The following NRXN1 variants were observed in gnomAD, a reference collection of about 807,000 sequenced individuals.
NRXN1 encodes neurexin 1.
A neutral mutation model predicts 150.9 loss-of-function variants in NRXN1; 39 were observed. That is an observed-to-expected ratio of 0.26 (90% CI 0.20 to 0.34). The LOEUF is 0.34. NRXN1 is among the 10% of genes least tolerant of loss of function. The probability of loss-of-function intolerance (pLI) is 1.00; values close to 1 mark genes in which losing one functional copy is unlikely to be tolerated. For missense variants in NRXN1, 1,815 were observed against 1,949.9 expected (o/e 0.93, Z 1.30); for synonymous variants, 924 against 757.0 (o/e 1.22, Z -3.62).
At chr2:50,545,422 G>A (rs1259497352) in intron 9 of NRXN1, among the ~76,000 whole-genome samples, 1 of 152,066 alleles carries the variant, frequency 6.6e-6, no homozygotes, top group South Asian at 2.1e-4. Flanking sequence ...CACTAGGTCC[G>A]CGTGTGGTCA....
chr2:50,621,578 G>C (rs193150323), intron 6 of NRXN1, among the ~76,000 whole-genome samples: 2 of 152,102 alleles, frequency 1.3e-5, no homozygotes, highest in South Asian at 4.1e-4. Flanking sequence ...GTACATCTGA[G>C]AGACATTGGA....
intron 17 of NRXN1, among the ~76,000 whole-genome samples, chr2:50,287,336 A>G (rs1313032021): frequency 6.6e-6 from 1 of 152,120 alleles, no homozygotes; most frequent in Non-Finnish European, 1.5e-5. Flanking sequence ...TTAACATGCC[A>G]TTAGTGCTGG....
chr2:50,755,168 A>G (rs1701027746), intron 5 of NRXN1, among the ~76,000 whole-genome samples: 1 of 151,786 alleles, frequency 6.6e-6, no homozygotes, highest in Admixed American at 6.6e-5. Context: ...ACTTTAGGGG[A>G]CTGTAAACTT....
chr2:50,770,097 T>C (rs1702827693), intron 5 of NRXN1, among the ~76,000 whole-genome samples: 1 of 152,120 alleles, frequency 6.6e-6, no homozygotes, highest in South Asian at 2.1e-4. Context: ...ATACGCCATT[T>C]GGTTTTGTTG....
chr2:50,583,824 G>A (rs771159542), intron 8 of NRXN1, among the ~76,000 whole-genome samples: 1 of 152,144 alleles, frequency 6.6e-6, no homozygotes, highest in African/African-American at 2.4e-5. Context: ...TCTGGCACAT[G>A]CAAAAAGTAA....
At chr2:50,805,992 C>T (rs1257751160) in intron 5 of NRXN1, among the ~76,000 whole-genome samples, 4 of 152,134 alleles carry the variant, frequency 2.6e-5, no homozygotes, top group Non-Finnish European at 1.5e-5. Flanking sequence ...CATATTCATC[C>T]TTTAAGTACG....
intron 18 of NRXN1, among the ~76,000 whole-genome samples, chr2:50,203,465 T>C (rs2062336204): frequency 6.6e-6 from 1 of 152,172 alleles, no homozygotes; most frequent in South Asian, 2.1e-4. Flanking sequence ...ATTCCATTTT[T>C]AGCTGACTTT....
At chr2:50,381,928 T>C (rs192307505) in intron 17 of NRXN1, among the ~76,000 whole-genome samples, 212 of 152,118 alleles carry the variant, frequency 1.4e-3, no homozygotes, top group African/African-American at 4.8e-3. Flanking sequence ...AGATGGGTCT[T>C]TAGTGTAGAA....
intron 5 of NRXN1, among the ~76,000 whole-genome samples, chr2:50,808,062 T>G (rs191627929): frequency 1.3e-5 from 2 of 152,236 alleles, no homozygotes; most frequent in East Asian, 3.9e-4. Context: ...TATTGTGCCT[T>G]AAATGTGCAT....
intron 2 of NRXN1, among the ~76,000 whole-genome samples, chr2:51,010,118 T>A (rs1233495853): frequency 1.3e-5 from 2 of 152,010 alleles, no homozygotes; most frequent in African/African-American, 2.4e-5. Context: ...ATAATGGGTC[T>A]CATCTTCTGA....
chr2:50,956,783 G>A (rs1050640493), intron 2 of NRXN1, among the ~76,000 whole-genome samples: 4 of 151,902 alleles, frequency 2.6e-5, no homozygotes, highest in African/African-American at 9.7e-5. Context: ...AACATTTATA[G>A]AGCTTAATCA....
chr2:50,366,530 G>GAAAGGATGAGGGGGA (rs2079595444), intron 17 of NRXN1, among the ~76,000 whole-genome samples: 1 of 151,960 alleles, frequency 6.6e-6, no homozygotes, highest in African/African-American at 2.4e-5. Flanking sequence ...GAAGTGCACA[G>GAAAGGATGAGGGGGA]AGTAGCAATA....
chr2:50,446,934 T>A (rs561821802), intron 17 of NRXN1, among the ~76,000 whole-genome samples: 17 of 152,146 alleles, frequency 1.1e-4, no homozygotes, highest in Non-Finnish European at 1.6e-4. Context: ...GTGCCCTGCA[T>A]ATTTACAAAA....
chr2:50,095,996 C>G (rs1490471064), intron 18 of NRXN1, among the ~76,000 whole-genome samples: 1 of 135,514 alleles, frequency 7.4e-6, no homozygotes, highest in Non-Finnish European at 1.5e-5. Flanking sequence ...TCCAAGTGTT[C>G]TCATATCATT....
chr2:50,053,340 C>A lies in NRXN1; in HGVS notation c.4059G>T (p.Glu1353Asp). 1.9e-6 allele frequency: 3 copies of A among 1,614,002 alleles called. No homozygotes were observed. Among genetic ancestry groups the A allele is most frequent in the South Asian group, 2.2e-5 (2 of 91,080 alleles). Residue 1353 changes from glutamate (E) to aspartate (D), a missense_variant, in exon 21 of 23, where the codon GAG becomes GAT. By Grantham distance (45) the Glu-to-Asp change is conservative. Transcript: ENST00000401669. ...TGCTAGTAGCCAGGGTCGTGGTAGT[C>A]TCCATAATTGATGTGGACATCTCTG... is the stretch of plus-strand genomic sequence containing the variant. The part of the protein sequence containing the change: ...MQSEMSTSIM[E>D]TTTTLATSTA...
At chr2:50,383,902 A>C (rs2081141274) in intron 17 of NRXN1, among the ~76,000 whole-genome samples, 1 of 152,186 alleles carries the variant, frequency 6.6e-6, no homozygotes, top group Non-Finnish European at 1.5e-5. Flanking sequence ...CTGGCAGCTA[A>C]TCTTCCATCC....
intron 5 of NRXN1, chr2:50,625,029 T>A (rs750603260): frequency 6.6e-6 from 1 of 152,006 alleles, no homozygotes; most frequent in Non-Finnish European, 1.5e-5. Flanking sequence ...TATAAACATA[T>A]AATTATAAAC....
At chr2:50,291,585 TC>T (rs1341399339) in intron 17 of NRXN1, among the ~76,000 whole-genome samples, 2 of 152,162 alleles carry the variant, frequency 1.3e-5, no homozygotes, top group Non-Finnish European at 2.9e-5. Context: ...CAAGGGAATT[TC>T]CCCAATACCA....
chr2:50,478,295 A>G (rs2090153598), intron 15 of NRXN1, among the ~76,000 whole-genome samples: 1 of 152,216 alleles, frequency 6.6e-6, no homozygotes, highest in South Asian at 2.1e-4. Context: ...GGAAGTGAAT[A>G]CTGCTCTAAT....
Sources: allele counts gnomAD v4.1 joint callset (sites outside exome capture counted in the v4.1 genomes callset), GRCh38; gene constraint gnomAD v4.1.1; transcripts MANE v1.5; gene names NCBI Gene and HGNC (gene_info 2026-07-23, HGNC 2026-07-21).